Variants in UBAP1 observed in about 807,000 individuals in gnomAD.
UBAP1 encodes the protein ubiquitin-associated protein 1.
A neutral mutation model predicts 39.0 loss-of-function variants in UBAP1; 5 were observed. The observed-to-expected ratio is 0.13, with a 90% confidence interval of 0.07 to 0.27. The LOEUF (loss-of-function observed/expected upper bound fraction) is 0.27, where lower values mean the gene tolerates loss of function less well. Ranked by LOEUF, UBAP1 falls within the 10% of genes least tolerant of loss-of-function variation. UBAP1 has a pLI of 1.00. For synonymous variants in UBAP1, 211 were observed against 225.1 expected, an observed-to-expected ratio of 0.94 and a Z score of 0.56; for missense variants, 490 against 608.1, an observed-to-expected ratio of 0.81 and a Z score of 2.04.
intron 1 of UBAP1, among the ~76,000 whole-genome samples, chr9:34,208,499 C>T (rs760484629): frequency 8.9e-4 from 135 of 151,574 alleles, no homozygotes; most frequent in Non-Finnish European, 1.6e-3. Flanking sequence ...AAAAATTAGC[C>T]GGGCGCGGTG....
intron 4 of UBAP1, among the ~76,000 whole-genome samples, chr9:34,246,700 G>A (rs1210829501): frequency 1.2e-4 from 19 of 152,212 alleles, no homozygotes; most frequent in Admixed American, 1.2e-3. Context: ...GGAGGTTTAT[G>A]GAAAGACTTG....
At chr9:34,207,004 C>T (rs1018762710) in intron 1 of UBAP1, among the ~76,000 whole-genome samples, 5 of 147,582 alleles carry the variant, frequency 3.4e-5, no homozygotes, top group Non-Finnish European at 3.0e-5. Flanking sequence ...CCATTTTCTT[C>T]GGAGATTTTT....
At chr9:34,248,829 A>G (rs1834315515) in intron 4 of UBAP1, among the ~76,000 whole-genome samples, 1 of 152,156 alleles carries the variant, frequency 6.6e-6, no homozygotes, top group African/African-American at 2.4e-5. Context: ...CCAATAAAAC[A>G]AGGAAATAAA....
chr9:34,206,720 T>G (rs1362763998), intron 1 of UBAP1, among the ~76,000 whole-genome samples: 1 of 152,172 alleles, frequency 6.6e-6, no homozygotes, highest in Admixed American at 6.6e-5. Flanking sequence ...ATTTCTACAT[T>G]TGGTCAGTTG....
chr9:34,210,219 C>T (rs563503460), intron 1 of UBAP1, among the ~76,000 whole-genome samples: 1 of 152,118 alleles, frequency 6.6e-6, no homozygotes, highest in Non-Finnish European at 1.5e-5. Flanking sequence ...CCAAGTACGC[C>T]GATGTGCAGC....
At position 34,202,624 on chromosome 9, in the gene UBAP1, C is replaced by CGTGTGTGTGTGTGTGTGTGTGTGT. The variant is rs56012034; in HGVS notation, c.-7-18253_-7-18230dup. Reference sequence around the variant, plus strand: ...ATGGGCCAGAAGCTGTAGACAGAAACGTGTGTGTGTGTGTGTGTGTGTGTG... The same window carrying CGTGTGTGTGTGTGTGTGTGTGTGT: ...ATGGGCCAGAAGCTGTAGACAGAAACGTGTGTGTGTGTGTGTGTGTGTGTGTGTGTGTGTGTGTGTGTGTGTGTG... On this transcript the variant is annotated intron_variant, in intron 1 of 6. Coordinates refer to ENST00000297661, the MANE Select transcript of UBAP1 (RefSeq NM_016525.5). Among the ~76,000 whole-genome samples the CGTGTGTGTGTGTGTGTGTGTGTGT allele has an allele frequency of 3.6e-4, 39 of 107,362 alleles. 1 individual carries two copies. The highest frequency in any genetic ancestry group is 1.4e-3 in the African/African-American group (37 of 25,544). The allele number at this position is 107,362 out of a possible 152,430, so 70.4% of individuals were successfully genotyped here.
At chr9:34,234,812 A>T (rs1833601960) in intron 3 of UBAP1, among the ~76,000 whole-genome samples, 1 of 152,166 alleles carries the variant, frequency 6.6e-6, no homozygotes, top group South Asian at 2.1e-4. Context: ...CAAATAAATG[A>T]CTATGTTACT....
At chr9:34,181,729 GC>G (rs1422351256) in intron 1 of UBAP1, among the ~76,000 whole-genome samples, 1 of 135,576 alleles carries the variant, frequency 7.4e-6, no homozygotes, top group Non-Finnish European at 1.6e-5. Flanking sequence ...ACCGTGCCAG[GC>G]CTTTTTTTTT....
At position 34,251,725 on chromosome 9, in the gene UBAP1, G is replaced by A. The variant is rs1299527843; in HGVS notation, c.*193G>A. On this transcript the variant is annotated 3_prime_UTR_variant, in exon 7 of 7. Transcript: ENST00000297661. ...GGAGGTGGGGAAGATTCGGGCATGT[G>A]AGTGCCCCCAGAACTGTCCTGGCTC... The A allele has an allele frequency of 9.6e-6, 6 of 623,804 alleles. No individual in the cohort carries two copies. The Admixed American group carries it at 1.2e-4, about 12-fold the overall frequency. 38.6% of individuals were successfully genotyped at this position (623,804 alleles called of 1,614,324 possible).
Position 34,241,929 on chromosome 9 carries a change from C to G in UBAP1, c.904C>G (p.Leu302Val), listed in dbSNP as rs1432496591. 13 of 1,614,200 alleles carry G rather than the reference C, an allele frequency of 8.1e-6. No individual in the cohort carries two copies. The highest frequency in any genetic ancestry group is 2.2e-5 in the South Asian group (2 of 91,086). The change falls in exon 4 of 7, where the codon CTA (leucine) becomes GTA (valine). Residue 302 changes from leucine (L) to valine (V), a missense_variant. Transcript: ENST00000297661. Reference protein sequence around the residue: ...CLRNGTFQNSLKPSTQSSASE... With the variant: ...CLRNGTFQNSVKPSTQSSASE... The stretch of plus-strand genomic sequence containing the variant: ...CCGCAATGGCACGTTCCAGAATTCC[C>G]TAAAGCCTTCCACCCAAAGCAGTGC...
At chr9:34,182,356 T>TA (rs1438601552) in intron 1 of UBAP1, among the ~76,000 whole-genome samples, 1 of 151,568 alleles carries the variant, frequency 6.6e-6, no homozygotes, top group Non-Finnish European at 1.5e-5. Context: ...GGCTAATTTT[T>TA]ATAGTTTTAG....
intron 1 of UBAP1, among the ~76,000 whole-genome samples, chr9:34,195,888 C>A (rs371817354): frequency 6.9e-6 from 1 of 145,292 alleles, no homozygotes; most frequent in East Asian, 2.0e-4. Flanking sequence ...TGAGCCACCA[C>A]GTCCGGCCAG....
At chr9:34,231,533 CTTCA>C (rs972087311) in intron 2 of UBAP1, among the ~76,000 whole-genome samples, 1 of 151,774 alleles carries the variant, frequency 6.6e-6, no homozygotes, top group Admixed American at 6.6e-5. Context: ...ATTATTGGTT[CTTCA>C]TTCATTGAAC....
chr9:34,234,238 T>C lies in UBAP1; in HGVS notation c.57T>C (p.Asp19=). Reference sequence around the variant, plus strand: ...TAGGGACTTTCAGTTACCTTGATGATGTCCCATTTAAGACAGGAGACAAAT... The same window carrying C: ...TAGGGACTTTCAGTTACCTTGATGACGTCCCATTTAAGACAGGAGACAAAT... The part of the protein sequence containing the change: ...DFHGTFSYLD[D]VPFKTGDKFK... Residue 19 remains aspartate (D), a synonymous_variant, in exon 3 of 7, where the codon GAT becomes GAC. Coordinates refer to ENST00000297661, the MANE Select transcript of UBAP1 (RefSeq NM_016525.5). The C allele has an allele frequency of 3.1e-6, 5 of 1,609,908 alleles. No homozygotes were observed. The highest frequency in any genetic ancestry group is 3.4e-6 in the Non-Finnish European group (4 of 1,179,074).
At chr9:34,196,348 T>G (rs1831053999) in intron 1 of UBAP1, among the ~76,000 whole-genome samples, 1 of 149,224 alleles carries the variant, frequency 6.7e-6, no homozygotes, top group African/African-American at 2.5e-5. Flanking sequence ...GGAATTTCAC[T>G]CTTATTGCCC....
At chr9:34,206,500 A>G (rs920171717) in intron 1 of UBAP1, among the ~76,000 whole-genome samples, 14 of 151,970 alleles carry the variant, frequency 9.2e-5, no homozygotes, top group African/African-American at 3.4e-4. Context: ...ACAGAGTGAG[A>G]CCCTGTCTCA....
chr9:34,188,415 G>C (rs78304070), intron 1 of UBAP1, among the ~76,000 whole-genome samples: 3,655 of 132,156 alleles, frequency 0.028, 107 homozygotes, highest in East Asian at 0.17. Flanking sequence ...GCTAAACTTA[G>C]TCTTCAGCTT....
In UBAP1 at chr9:34,195,927, G is replaced by GTTTTTTTTTTTTTTTTTTTTTTTTTTT. The variant is rs57040252; in HGVS notation, c.-8+16698_-8+16724dup. Among the ~76,000 whole-genome samples, 2 of 36,156 alleles carry GTTTTTTTTTTTTTTTTTTTTTTTTTTT rather than the reference G, an allele frequency of 5.5e-5. 1 individual carries two copies. The highest frequency in any genetic ancestry group is 2.0e-3 in the East Asian group (2 of 984). The allele number at this position is 36,156 out of a possible 152,430, so 23.7% of individuals were successfully genotyped here. On this transcript the variant is annotated intron_variant, in intron 1 of 6. Coordinates refer to ENST00000297661, the MANE Select transcript of UBAP1 (RefSeq NM_016525.5). ...TTTGGATTTCTATACAAATTTTTTG[G>GTTTTTTTTTTTTTTTTTTTTTTTTTTT]TTTTTTTTTTTTTTTTTTTTTTTTT... is the stretch of plus-strand genomic sequence containing the variant.
intron 4 of UBAP1, among the ~76,000 whole-genome samples, chr9:34,242,999 A>G (rs769469356): frequency 3.3e-5 from 5 of 152,216 alleles, no homozygotes; most frequent in African/African-American, 4.8e-5. Flanking sequence ...TTCTTGGTCA[A>G]TGATAGTCTG....
Sources: allele counts gnomAD v4.1 joint callset (sites outside exome capture counted in the v4.1 genomes callset), GRCh38; gene constraint gnomAD v4.1.1; transcripts MANE v1.5; gene names NCBI Gene and HGNC (gene_info 2026-07-23, HGNC 2026-07-21).